Variants in LRMDA observed in about 807,000 individuals in gnomAD.
The protein encoded by LRMDA is leucine rich melanocyte differentiation associated.
Under a neutral mutation model 29.8 loss-of-function variants are expected in LRMDA, and 18 were observed. The observed-to-expected ratio is 0.60, with a 90% confidence interval of 0.42 to 0.90. The LOEUF is 0.90. LRMDA is among the 40% of genes least tolerant of loss of function. LRMDA has a pLI of 0.00. For missense variants in LRMDA, 273 were observed against 273.9 expected (o/e 1.00, Z 0.02); for synonymous variants, 125 against 109.4 (o/e 1.14, Z -0.89).
At chr10:75,958,877 C>T (rs1168434209) in intron 2 of LRMDA, among the ~76,000 whole-genome samples, 2 of 152,160 alleles carry the variant, frequency 1.3e-5, no homozygotes, top group African/African-American at 4.8e-5. Flanking sequence ...GCACATCGTA[C>T]ATGGTGGCAG....
intron 2 of LRMDA, among the ~76,000 whole-genome samples, chr10:75,641,697 T>C (rs1165964037): frequency 6.6e-6 from 1 of 151,954 alleles, no homozygotes; most frequent in African/African-American, 2.4e-5. Flanking sequence ...GCCCTGGCCT[T>C]CCAAAATGCT....
chr10:76,112,377 C>T (rs1293231998), intron 5 of LRMDA, among the ~76,000 whole-genome samples: 1 of 152,210 alleles, frequency 6.6e-6, no homozygotes, highest in Non-Finnish European at 1.5e-5. Context: ...GCCAGGACGG[C>T]GGGGCCTGGA....
At chr10:76,334,908 T>G (rs190049588) in intron 6 of LRMDA, among the ~76,000 whole-genome samples, 70 of 152,210 alleles carry the variant, frequency 4.6e-4, no homozygotes, top group African/African-American at 1.7e-3. Flanking sequence ...ACAGTCTAAT[T>G]GGAGACAAGG....
chr10:75,491,351 G>T (rs749979839), intron 2 of LRMDA, among the ~76,000 whole-genome samples: 1 of 152,170 alleles, frequency 6.6e-6, no homozygotes, highest in Non-Finnish European at 1.5e-5. Flanking sequence ...GCGGTATTGT[G>T]GGGGAGAGGT....
intron 6 of LRMDA, among the ~76,000 whole-genome samples, chr10:76,440,458 G>T (rs1842290017): frequency 6.6e-6 from 1 of 152,270 alleles, no homozygotes; most frequent in African/African-American, 2.4e-5. Context: ...AATAAGGTCA[G>T]CCCTCTTTTA....
At chr10:76,528,698 C>T (rs774729824) in intron 6 of LRMDA, among the ~76,000 whole-genome samples, 27 of 152,086 alleles carry the variant, frequency 1.8e-4, no homozygotes, top group Non-Finnish European at 4.4e-5. Context: ...GCCCCAAATA[C>T]CAGTAGCTTT....
At chr10:76,162,402 C>G (rs1036227913) in intron 5 of LRMDA, among the ~76,000 whole-genome samples, 2 of 152,170 alleles carry the variant, frequency 1.3e-5, no homozygotes, top group African/African-American at 4.8e-5. Context: ...TTAGTCAATT[C>G]TCGCATTGCT....
intron 2 of LRMDA, among the ~76,000 whole-genome samples, chr10:75,621,617 G>A (rs1401842937): frequency 6.6e-6 from 1 of 152,156 alleles, no homozygotes; most frequent in African/African-American, 2.4e-5. Context: ...GTCTCCTGGT[G>A]GTGGAAACAG....
chr10:76,323,230 C>T (rs78661927), intron 5 of LRMDA, among the ~76,000 whole-genome samples: 278 of 152,096 alleles, frequency 1.8e-3, no homozygotes, highest in African/African-American at 6.5e-3. Flanking sequence ...CACTGAAAGC[C>T]GCTTAGTCAA....
At chr10:76,036,679 A>G (rs1043397411) in intron 3 of LRMDA, among the ~76,000 whole-genome samples, 4 of 152,168 alleles carry the variant, frequency 2.6e-5, no homozygotes, top group African/African-American at 9.7e-5. Context: ...GGGGGATACC[A>G]TGCTCTGGTG....
intron 5 of LRMDA, among the ~76,000 whole-genome samples, chr10:76,075,797 TA>T (rs1848946889): frequency 6.6e-6 from 1 of 152,136 alleles, no homozygotes; most frequent in African/African-American, 2.4e-5. Context: ...CTTGGTCAGG[TA>T]GGGGTCCAGT....
intron 2 of LRMDA, among the ~76,000 whole-genome samples, chr10:75,962,293 A>G (rs941858122): frequency 6.6e-6 from 1 of 152,148 alleles, no homozygotes; most frequent in Admixed American, 6.5e-5. Flanking sequence ...CTCAAAAATG[A>G]GGGTGTTGGA....
intron 2 of LRMDA, among the ~76,000 whole-genome samples, chr10:75,933,403 A>T (rs1001299280): frequency 6.6e-6 from 1 of 152,224 alleles, no homozygotes; most frequent in Non-Finnish European, 1.5e-5. Context: ...GGACTTCAAG[A>T]GTGAGAATAC....
At chr10:76,179,729 T>C (rs1006642599) in intron 5 of LRMDA, among the ~76,000 whole-genome samples, 4 of 152,212 alleles carry the variant, frequency 2.6e-5, no homozygotes, top group Non-Finnish European at 4.4e-5. Flanking sequence ...GAGGAAGATG[T>C]TGATCTGCCT....
At chr10:76,525,802 T>C (rs1002991133) in intron 6 of LRMDA, among the ~76,000 whole-genome samples, 4 of 152,196 alleles carry the variant, frequency 2.6e-5, no homozygotes, top group African/African-American at 9.7e-5. Context: ...GAATTGAAGC[T>C]AATTATTTGT....
At chr10:75,481,762 G>A (rs1844857828) in intron 2 of LRMDA, among the ~76,000 whole-genome samples, 1 of 152,122 alleles carries the variant, frequency 6.6e-6, no homozygotes, top group South Asian at 2.1e-4. Flanking sequence ...TCTTCATCTT[G>A]TACCACATTC....
At chr10:76,146,053 A>T (rs1382788500) in intron 5 of LRMDA, among the ~76,000 whole-genome samples, 25 of 147,586 alleles carry the variant, frequency 1.7e-4, no homozygotes, top group South Asian at 9.0e-4. Flanking sequence ...GTGGTCTGAG[A>T]GACAGTTTGT....
intron 2 of LRMDA, among the ~76,000 whole-genome samples, chr10:75,536,683 G>A (rs1839953709): frequency 6.6e-6 from 1 of 152,138 alleles, no homozygotes; most frequent in South Asian, 2.1e-4. Context: ...CTCCCGAGTA[G>A]CTGGGGCTAT....
intron 2 of LRMDA, among the ~76,000 whole-genome samples, chr10:75,716,428 A>C (rs1028285255): frequency 1.3e-5 from 2 of 152,192 alleles, no homozygotes; most frequent in Non-Finnish European, 1.5e-5. Flanking sequence ...GTTACTTGCA[A>C]TCTAAAGCAT....
Sources: gnomAD v4.1 joint callset for allele counts (sites outside exome capture counted in the v4.1 genomes callset) on GRCh38, gnomAD v4.1.1 for gene constraint, MANE v1.5 for transcripts, NCBI Gene and HGNC (gene_info 2026-07-23, HGNC 2026-07-21) for gene names.